Variants in TANGO6 observed in about 807,000 individuals in gnomAD.
The protein encoded by TANGO6 is transport and golgi organization 6 homolog.
Under a neutral mutation model 114.2 loss-of-function variants are expected in TANGO6, and 90 were observed. That is an observed-to-expected ratio of 0.79 (90% CI 0.66 to 0.94). The LOEUF (loss-of-function observed/expected upper bound fraction) is 0.94, where lower values mean the gene tolerates loss of function less well. Among genes scored for constraint, TANGO6 ranks in the 40% least tolerant of loss-of-function variants. The probability of loss-of-function intolerance (pLI) is 0.00; values close to 1 mark genes in which losing one functional copy is unlikely to be tolerated. For missense variants in TANGO6, 1,274 were observed against 1,315.3 expected, an observed-to-expected ratio of 0.97 and a Z score of 0.49; for synonymous variants, 477 against 509.8, an observed-to-expected ratio of 0.94 and a Z score of 0.87.
chr16:68,872,493 C>T (rs959091584), intron 4 of TANGO6, among the ~76,000 whole-genome samples: 13 of 150,798 alleles, frequency 8.6e-5, no homozygotes, highest in Admixed American at 3.3e-4. Flanking sequence ...GTAGAGACAG[C>T]GTTTCACCAT....
chr16:69,059,650 G>C (rs887260526), intron 17 of TANGO6, among the ~76,000 whole-genome samples: 1 of 152,016 alleles, frequency 6.6e-6, no homozygotes, highest in Non-Finnish European at 1.5e-5. Flanking sequence ...CTCCCGAGTA[G>C]CTGGGACTAC....
intron 15 of TANGO6, among the ~76,000 whole-genome samples, chr16:68,982,690 TC>T (rs1458483792): frequency 2.1e-5 from 3 of 144,112 alleles, no homozygotes; most frequent in African/African-American, 8.0e-5. Flanking sequence ...CAGGCTGGTC[TC>T]GAACTCCTGG....
At chr16:68,917,918 A>AT (rs1963030159) in intron 11 of TANGO6, among the ~76,000 whole-genome samples, 2 of 138,882 alleles carry the variant, frequency 1.4e-5, no homozygotes, top group Non-Finnish European at 3.1e-5. Flanking sequence ...ATGCCTGGCT[A>AT]ATTTTTTTTT....
At chr16:68,901,446 A>C (rs1395002418) in intron 8 of TANGO6, among the ~76,000 whole-genome samples, 2 of 152,234 alleles carry the variant, frequency 1.3e-5, no homozygotes, top group African/African-American at 4.8e-5. Context: ...GGGAGGCTGT[A>C]CATCTGTGAA....
At chr16:68,974,853 G>A (rs906354600) in intron 15 of TANGO6, among the ~76,000 whole-genome samples, 1 of 151,922 alleles carries the variant, frequency 6.6e-6, no homozygotes, top group African/African-American at 2.4e-5. Flanking sequence ...CTTTAGGCCT[G>A]GCAGGAGTTC....
chr16:69,060,990 A>G (rs1400867813), intron 17 of TANGO6, among the ~76,000 whole-genome samples: 1 of 140,722 alleles, frequency 7.1e-6, no homozygotes, highest in Non-Finnish European at 1.5e-5. Context: ...GACTCCGTCT[A>G]AAAAAAAAAC....
intron 1 of TANGO6, among the ~76,000 whole-genome samples, chr16:68,852,818 C>T (rs111754992): frequency 4.0e-4 from 61 of 152,002 alleles, no homozygotes; most frequent in African/African-American, 1.4e-3. Flanking sequence ...GGTGACAGAG[C>T]GAGACCCCCG....
chr16:68,990,440 G>C (rs1306491744), intron 15 of TANGO6, among the ~76,000 whole-genome samples: 1 of 152,156 alleles, frequency 6.6e-6, no homozygotes, highest in Non-Finnish European at 1.5e-5. Flanking sequence ...CACGAGAACA[G>C]TATGGGGGAA....
intron 11 of TANGO6, chr16:68,909,721 A>G (rs1192240431): frequency 1.1e-5 from 2 of 175,474 alleles, no homozygotes; most frequent in African/African-American, 2.3e-5. Flanking sequence ...TTTTCAATAT[A>G]TTGATAGCCA....
chr16:68,991,963 TA>T (rs1387177739), intron 15 of TANGO6, among the ~76,000 whole-genome samples: 1 of 152,056 alleles, frequency 6.6e-6, no homozygotes, highest in African/African-American at 2.4e-5. Context: ...GTGAATACTA[TA>T]GGCAATTCAG....
At chr16:68,863,143 CT>C (rs755218590) in intron 3 of TANGO6, 82 bp downstream of exon 3, 51 of 795,638 alleles carry the variant, frequency 6.4e-5, no homozygotes, top group Non-Finnish European at 9.7e-5. Flanking sequence ...AATTAAATAA[CT>C]TTAGTTCCCT....
At chr16:69,060,176 TC>T (rs1960093367) in intron 17 of TANGO6, among the ~76,000 whole-genome samples, 1 of 152,150 alleles carries the variant, frequency 6.6e-6, no homozygotes, top group African/African-American at 2.4e-5. Flanking sequence ...GGCTTTTTTT[TC>T]TTTAAGTTTA....
chr16:68,876,587 G>A (rs1035031967), intron 5 of TANGO6, among the ~76,000 whole-genome samples: 7 of 151,962 alleles, frequency 4.6e-5, no homozygotes, highest in Admixed American at 2.0e-4. Context: ...TTGGGAGGCT[G>A]AGGTGGGCAG....
chr16:68,924,505 C>G lies in TANGO6; in HGVS notation c.2128-3063C>G, dbSNP rs79103845. 4.8e-3 allele frequency among the ~76,000 whole-genome samples: 720 copies of G among 148,480 alleles called. 8 individuals are homozygous for G. Among genetic ancestry groups the G allele is most frequent in the African/African-American group, 0.017 (688 of 40,180 alleles). On this transcript the variant is annotated intron_variant, in intron 12 of 17. Coordinates refer to ENST00000261778, the MANE Select transcript of TANGO6 (RefSeq NM_024562.2). The stretch of plus-strand genomic sequence containing the variant: ...TCCCTCTCAAAAAAAAAAGGCTCCT[C>G]AGCTGGGCACGGTGGCTCATGCCTG...
At chr16:68,993,276 G>A (rs1220296155) in intron 15 of TANGO6, among the ~76,000 whole-genome samples, 1 of 152,100 alleles carries the variant, frequency 6.6e-6, no homozygotes, top group African/African-American at 2.4e-5. Context: ...TTATTCTGCT[G>A]TTATTTTTAT....
At chr16:69,013,976 G>A (rs1959239384) in intron 15 of TANGO6, among the ~76,000 whole-genome samples, 2 of 152,006 alleles carry the variant, frequency 1.3e-5, no homozygotes, top group Admixed American at 6.6e-5. Context: ...CCTTAGTTTT[G>A]ACAAATCTAA....
intron 11 of TANGO6, among the ~76,000 whole-genome samples, chr16:68,916,416 G>A (rs1963006158): frequency 6.6e-6 from 1 of 152,082 alleles, no homozygotes; most frequent in South Asian, 2.1e-4. Flanking sequence ...ATGATCTGAG[G>A]TGGAACAGTT....
At chr16:69,075,207 G>A (rs1269510488) in intron 17 of TANGO6, among the ~76,000 whole-genome samples, 2 of 147,802 alleles carry the variant, frequency 1.4e-5, no homozygotes, top group Non-Finnish European at 3.0e-5. Flanking sequence ...TGGGGTCTAA[G>A]TCTCTCTCTC....
intron 17 of TANGO6, among the ~76,000 whole-genome samples, chr16:69,044,399 G>A (rs990055854): frequency 2.6e-5 from 4 of 152,126 alleles, no homozygotes; most frequent in Admixed American, 2.6e-4. Context: ...AGTTTGGTGG[G>A]CTACCTGAAA....
Sources: allele counts gnomAD v4.1 joint callset (sites outside exome capture counted in the v4.1 genomes callset), GRCh38; gene constraint gnomAD v4.1.1; transcripts MANE v1.5; gene names NCBI Gene and HGNC (gene_info 2026-07-23, HGNC 2026-07-21).